BICC1: variants seen among roughly 807,000 people sequenced by gnomAD.
BICC1 encodes protein bicaudal C homolog 1.
A neutral mutation model predicts 111.0 loss-of-function variants in BICC1; 43 were observed. The observed-to-expected ratio is 0.39, with a 90% CI of 0.30 to 0.50. The LOEUF (loss-of-function observed/expected upper bound fraction) is 0.50, where lower values mean the gene tolerates loss of function less well. BICC1 is among the 20% of genes least tolerant of loss of function. BICC1 has a pLI of 0.88. For synonymous variants in BICC1, 467 were observed against 434.4 expected, an observed-to-expected ratio of 1.07 and a Z score of -0.93; for missense variants, 1,091 against 1,203.2, an observed-to-expected ratio of 0.91 and a Z score of 1.38.
chr10:58,800,267 A>C lies in BICC1; in HGVS notation c.1799A>C (p.Asp600Ala). The C allele has an allele frequency of 6.2e-7, 1 of 1,613,646 alleles. No homozygotes were observed. ...AAAGTGCTGAGTGCAAATCACGGGG[A>C]TCCGTCCATCCAGACAAGTGGGTCT... ...GEKVLSANHG[D>A]PSIQTSGSEQ... The change falls in exon 13 of 21, where the codon GAT (aspartate) becomes GCT (alanine). Residue 600 changes from aspartate (D) to alanine (A), a missense_variant. Around this residue, in one of 3 missense-constraint regions of BICC1, gnomAD observed 843 missense variants for 900.8 expected, o/e 0.94. Transcript: ENST00000373886.
intron 2 of BICC1, among the ~76,000 whole-genome samples, chr10:58,625,879 C>G (rs919052136): frequency 6.6e-6 from 1 of 151,986 alleles, no homozygotes; most frequent in Non-Finnish European, 1.5e-5. Context: ...TCTCCACTAG[C>G]GATTATTTTT....
chr10:58,642,774 G>A (rs186939788), intron 2 of BICC1, among the ~76,000 whole-genome samples: 210 of 151,992 alleles, frequency 1.4e-3, no homozygotes, highest in Admixed American at 2.9e-3. Context: ...ATGTGATCAC[G>A]GCTTACTGCA....
At chr10:58,677,564 A>T (rs979624237) in intron 2 of BICC1, among the ~76,000 whole-genome samples, 4 of 152,204 alleles carry the variant, frequency 2.6e-5, no homozygotes, top group African/African-American at 7.2e-5. Context: ...GACCAAACCT[A>T]CGTTTGATTG....
intron 1 of BICC1, among the ~76,000 whole-genome samples, chr10:58,551,714 T>G (rs1843299804): frequency 2.0e-5 from 3 of 152,296 alleles, no homozygotes; most frequent in Middle Eastern, 6.8e-3. Flanking sequence ...GTTTGACTTT[T>G]TTAGATTTCG....
chr10:58,667,850 C>CA (rs1839065061), intron 2 of BICC1, among the ~76,000 whole-genome samples: 1 of 151,998 alleles, frequency 6.6e-6, no homozygotes, highest in Non-Finnish European at 1.5e-5. Context: ...GCTAGGTGAT[C>CA]TTAAATCTCT....
At chr10:58,570,845 A>G (rs1843927694) in intron 1 of BICC1, among the ~76,000 whole-genome samples, 1 of 152,176 alleles carries the variant, frequency 6.6e-6, no homozygotes, top group Non-Finnish European at 1.5e-5. Flanking sequence ...GACACAGCCT[A>G]AACAGAAACA....
At chr10:58,804,652 TGTG>T (rs1185109678) in intron 15 of BICC1, among the ~76,000 whole-genome samples, 1 of 152,254 alleles carries the variant, frequency 6.6e-6, no homozygotes, top group Non-Finnish European at 1.5e-5. Context: ...GTTTTTGTCT[TGTG>T]GTTCTTGTCA....
intron 11 of BICC1, 44 bp from the exon 12 acceptor site, chr10:58,799,012 C>A (rs1344780745): frequency 7.4e-7 from 1 of 1,344,100 alleles, no homozygotes; most frequent in Admixed American, 2.3e-5. Flanking sequence ...ATAGTTGAAT[C>A]TGAGTTTCTT....
intron 1 of BICC1, among the ~76,000 whole-genome samples, chr10:58,590,066 A>G (rs1444258720): frequency 6.6e-6 from 1 of 152,202 alleles, no homozygotes; most frequent in Non-Finnish European, 1.5e-5. Context: ...ACAATAAGCT[A>G]TCATCAGTCC....
intron 13 of BICC1, 81 bp from the exon 14 acceptor site, chr10:58,800,809 A>G: frequency 7.3e-7 from 1 of 1,378,694 alleles, no homozygotes; most frequent in Non-Finnish European, 9.8e-7. Flanking sequence ...TAGGGTTCTG[A>G]TTTGTTTCCA....
At chr10:58,785,401 C>A (rs972154914) in intron 4 of BICC1, among the ~76,000 whole-genome samples, 4 of 151,816 alleles carry the variant, frequency 2.6e-5, no homozygotes, top group African/African-American at 9.7e-5. Context: ...TAGAAATTGG[C>A]CCTGATTAAT....
In BICC1 at chr10:58,803,157, A is replaced by G; in HGVS notation, c.2096A>G (p.Glu699Gly). 6.2e-7 allele frequency: 1 copy of G among 1,611,918 alleles called. No homozygotes were observed. Among genetic ancestry groups the G allele is most frequent in the South Asian group, 1.1e-5 (1 of 90,328 alleles). The change falls in exon 15 of 21, where the codon GAG becomes GGG. Residue 699 changes from glutamate to glycine, a missense_variant. Coordinates refer to ENST00000373886, the MANE Select transcript of BICC1 (RefSeq NM_001080512.3). ...PLADKKAPGSERAAERAAAAQ... is the reference protein window; with the variant it reads ...PLADKKAPGSGRAAERAAAAQ... ...GCTGACAAGAAGGCTCCAGGGAGTGAGCGCGCTGCAGAGAGGGCAGCAGCT... is the reference window on the plus strand; with the variant it reads ...GCTGACAAGAAGGCTCCAGGGAGTGGGCGCGCTGCAGAGAGGGCAGCAGCT...
chr10:58,756,990 AT>A (rs1184658866), intron 3 of BICC1, among the ~76,000 whole-genome samples: 1 of 152,186 alleles, frequency 6.6e-6, no homozygotes, highest in Non-Finnish European at 1.5e-5. Context: ...TGGTGCTAAC[AT>A]TTTTAAAAAT....
At chr10:58,521,087 C>T (rs531162971) in intron 1 of BICC1, among the ~76,000 whole-genome samples, 11 of 152,154 alleles carry the variant, frequency 7.2e-5, no homozygotes, top group Admixed American at 2.0e-4. Flanking sequence ...ACATGGTTTC[C>T]GGTGTCTGTA....
chr10:58,774,485 G>A (rs1383670507), intron 3 of BICC1, among the ~76,000 whole-genome samples: 2 of 152,114 alleles, frequency 1.3e-5, no homozygotes, highest in African/African-American at 4.8e-5. Context: ...TAAGATATGA[G>A]TATTTTTTGT....
Position 58,831,247 on chromosome 10 carries a change from AATAATG to A in BICC1, c.*2358_*2363del, listed in dbSNP as rs1221574469. The A allele has an allele frequency of 2.0e-5, 3 of 152,178 alleles. No homozygotes were observed. Among genetic ancestry groups the A allele is most frequent in the African/African-American group, 7.2e-5 (3 of 41,440 alleles). 9.4% of individuals were successfully genotyped at this position (152,178 alleles called of 1,614,324 possible). On this transcript the variant is annotated 3_prime_UTR_variant, in exon 21 of 21. Transcript: ENST00000373886. ...AATGTTAACTTTTAATCTGCGCCTT[AATAATG>A]ACTGGTTATCTGTAAATATAGAACA...
chr10:58,530,535 A>G (rs1842653044), intron 1 of BICC1, among the ~76,000 whole-genome samples: 1 of 151,892 alleles, frequency 6.6e-6, no homozygotes, highest in Admixed American at 6.6e-5. Context: ...AAGTATGTTT[A>G]GTGTAAGATT....
intron 17 of BICC1, among the ~76,000 whole-genome samples, chr10:58,813,428 C>T (rs1843977172): frequency 6.6e-6 from 1 of 152,128 alleles, no homozygotes; most frequent in Non-Finnish European, 1.5e-5. Flanking sequence ...TGCCACATCA[C>T]CATTTCTCTT....
intron 4 of BICC1, among the ~76,000 whole-genome samples, chr10:58,785,617 T>C (rs11006262): frequency 0.3 from 45,593 of 152,026 alleles, 7,199 homozygotes; most frequent in East Asian, 0.48. Flanking sequence ...AATTTCAATA[T>C]GTAAAAATTT....
Sources: gnomAD v4.1 joint callset for allele counts (sites outside exome capture counted in the v4.1 genomes callset) on GRCh38, gnomAD v4.1.1 for gene constraint, gnomAD v4.1.1 regional missense constraint, MANE v1.5 for transcripts, NCBI Gene and HGNC (gene_info 2026-07-23, HGNC 2026-07-21) for gene names.